The following ALDH7A1 variants were observed in gnomAD, a reference collection of about 807,000 sequenced individuals.
ALDH7A1 encodes alpha-aminoadipic semialdehyde dehydrogenase.
ALDH7A1 carries 63 observed loss-of-function variants against 79.9 expected under a neutral mutation model. The observed-to-expected ratio is 0.79, with a 90% CI of 0.64 to 0.97. The LOEUF (loss-of-function observed/expected upper bound fraction) is 0.97. ALDH7A1 is among the 50% of genes least tolerant of loss of function. The pLI is 0.00. For synonymous variants in ALDH7A1, 240 were observed against 231.2 expected (o/e 1.04, Z -0.34); for missense variants, 627 against 665.2 (o/e 0.94, Z 0.63).
chr5:126,556,494 T>G (rs1352410828), intron 11 of ALDH7A1, among the ~76,000 whole-genome samples: 1 of 152,144 alleles, frequency 6.6e-6, no homozygotes, highest in East Asian at 1.9e-4. Flanking sequence ...TCCACCCACC[T>G]CAGTCTCCCA....
chr5:126,593,306 T>TG, intron 2 of ALDH7A1, 45 bp downstream of exon 2: 5 of 1,274,342 alleles, frequency 3.9e-6, no homozygotes, highest in Non-Finnish European at 5.2e-6. Flanking sequence ...TAATTTGAAT[T>TG]AAACACACAC....
chr5:126,574,940 TAAGTA>T (rs1750915437), intron 7 of ALDH7A1, among the ~76,000 whole-genome samples: 1 of 152,104 alleles, frequency 6.6e-6, no homozygotes, highest in African/African-American at 2.4e-5. Context: ...TTCTCAAATA[TAAGTA>T]AAGCATTAAT....
chr5:126,577,655 C>A (rs1751023593), intron 5 of ALDH7A1, among the ~76,000 whole-genome samples: 1 of 152,216 alleles, frequency 6.6e-6, no homozygotes, highest in African/African-American at 2.4e-5. Flanking sequence ...GCAACTGCAC[C>A]TCCCGAGTTC....
intron 16 of ALDH7A1, among the ~76,000 whole-genome samples, chr5:126,549,243 T>C (rs1317619960): frequency 6.6e-6 from 1 of 152,142 alleles, no homozygotes; most frequent in African/African-American, 2.4e-5. Flanking sequence ...GCAAAGTCCG[T>C]GCATCAAATA....
intron 3 of ALDH7A1, among the ~76,000 whole-genome samples, chr5:126,585,552 C>A (rs185976430): frequency 1.3e-5 from 2 of 152,252 alleles, no homozygotes; most frequent in Admixed American, 6.5e-5. Context: ...AACATTCCTA[C>A]CCTTTGTTTT....
At chr5:126,573,803 G>A (rs1268861582) in intron 7 of ALDH7A1, among the ~76,000 whole-genome samples, 3 of 151,198 alleles carry the variant, frequency 2.0e-5, no homozygotes, top group Non-Finnish European at 2.9e-5. Flanking sequence ...GGAGGCAGAG[G>A]TTGGAGTGAG....
intron 10 of ALDH7A1, among the ~76,000 whole-genome samples, chr5:126,560,174 T>C (rs1750354523): frequency 6.6e-6 from 1 of 152,162 alleles, no homozygotes; most frequent in African/African-American, 2.4e-5. Context: ...AGTCTCTCTT[T>C]AAAAGTCCAT....
rs138464455 is a variant in ALDH7A1, at chr5:126,545,174, TA to T, written c.1566-156del. On this transcript the variant is annotated intron_variant, in intron 17 of 17. Coordinates refer to ENST00000409134, the MANE Select transcript of ALDH7A1 (RefSeq NM_001182.5). ...AAACCTTTAAGATAAAAGACAATGT[TA>T]GTATGGATCCCGTTTTATTTAAAAG... Among the ~76,000 whole-genome samples, 1,885 of 152,292 alleles carry T rather than the reference TA, an allele frequency of 0.012. 46 individuals are homozygous for T. Among genetic ancestry groups the T allele is most frequent in the African/African-American group, 0.043 (1,770 of 41,564 alleles).
intron 3 of ALDH7A1, chr5:126,588,677 T>A (rs1388098486): frequency 2.0e-5 from 3 of 152,172 alleles, no homozygotes; most frequent in Non-Finnish European, 4.4e-5. Context: ...CTTTAGTTTA[T>A]AATAACACAT....
intron 3 of ALDH7A1, 151 bp downstream of exon 3, chr5:126,592,513 C>T (rs1445197185): frequency 2.8e-6 from 2 of 723,578 alleles, no homozygotes; most frequent in Non-Finnish European, 4.7e-6. Flanking sequence ...GTTTCCAAAA[C>T]AGCAGGAGCC....
At chr5:126,568,162 C>G in intron 9 of ALDH7A1, 97 bp downstream of exon 9, 1 of 1,134,896 alleles carries the variant, frequency 8.8e-7, no homozygotes, top group Non-Finnish European at 1.3e-6. Context: ...ACCACTGCCT[C>G]CATGGAAAAG....
chr5:126,593,620 C>T, intron 1 of ALDH7A1: 1 of 658,076 alleles, frequency 1.5e-6, no homozygotes, highest in Non-Finnish European at 2.6e-6. Context: ...GCAAAACTCG[C>T]CTCTGACATC....
chr5:126,542,694 G>C lies in ALDH7A1; in HGVS notation c.*2271C>G, dbSNP rs1365966153. On this transcript the variant is annotated 3_prime_UTR_variant, in exon 18 of 18. Transcript: ENST00000409134. ...AGTGTTCTGTGGTTGCAGAGCAAGA[G>C]AGAGAGGAGGCTTAACAGATTCCCA... 1 of 152,282 alleles carries C rather than the reference G, an allele frequency of 6.6e-6. No individual in the cohort carries two copies. Among genetic ancestry groups the C allele is most frequent in the Non-Finnish European group, 1.5e-5 (1 of 68,144 alleles). 9.4% of individuals were successfully genotyped at this position (152,282 alleles called of 1,614,324 possible).
At chr5:126,583,707 G>A (rs920769102) in intron 4 of ALDH7A1, among the ~76,000 whole-genome samples, 5 of 151,334 alleles carry the variant, frequency 3.3e-5, no homozygotes, top group African/African-American at 1.2e-4. Context: ...AGCCGTGGTG[G>A]CACAAGCCTG....
At chr5:126,568,543 G>C (rs900223436) in intron 8 of ALDH7A1, 187 bp from the exon 9 acceptor site, 7 of 612,922 alleles carry the variant, frequency 1.1e-5, no homozygotes, top group Non-Finnish European at 2.1e-5. Context: ...AGAACCATTA[G>C]GCAGAAGAGG....
Position 126,561,483 on chromosome 5 carries a change from A to AGT in ALDH7A1, c.872-361_872-360dup, listed in dbSNP as rs57059063. 2.9e-3 allele frequency: 448 copies of AGT among 154,946 alleles called. 11 individuals are homozygous for AGT. In the South Asian group the frequency reaches 0.043, roughly 15 times the overall value. 9.6% of individuals were successfully genotyped at this position (154,946 alleles called of 1,614,324 possible). A position where few individuals can be genotyped will look rare whatever the true frequency, so the allele number is the denominator to read the frequency against. On this transcript the variant is annotated intron_variant, in intron 9 of 17. Transcript: ENST00000409134. ...GTTCAACAATAATATGCACCCACAG[A>AGT]GTGTGTGTGTGTGTGTGTGTGTGTG...
chr5:126,559,069 G>T (rs2112767991), intron 11 of ALDH7A1, among the ~76,000 whole-genome samples, 171 bp downstream of exon 11: 1 of 152,290 alleles, frequency 6.6e-6, no homozygotes, highest in South Asian at 2.1e-4. Flanking sequence ...GTCCCTGAAT[G>T]ATTAACAACA....
chr5:126,571,005 T>C (rs1750750849), intron 7 of ALDH7A1, 146 bp from the exon 8 acceptor site: 8 of 758,370 alleles, frequency 1.1e-5, no homozygotes, highest in African/African-American at 3.4e-5. Context: ...TCAGCCCACT[T>C]TTCAATTTCT....
In ALDH7A1 at chr5:126,577,161, T is replaced by C. The variant is rs2112794630; in HGVS notation, c.568A>G (p.Ile190Val). The change falls in exon 6 of 18, where the codon ATC (isoleucine) becomes GTC (valine). Residue 190 changes from isoleucine to valine, a missense_variant. Coordinates refer to ENST00000409134, the MANE Select transcript of ALDH7A1 (RefSeq NM_001182.5). ...ACAGGGAAATTGAATGCCGTGATGA[T>C]TCCAACCAGGCCTACGGGATTCCAC... ...EQWNPVGLVG[I>V]ITAFNFPVAV... The C allele has an allele frequency of 1.9e-6, 3 of 1,614,160 alleles. No homozygotes were observed. Among genetic ancestry groups the C allele is most frequent in the Non-Finnish European group, 1.7e-6 (2 of 1,180,022 alleles).
Sources: gnomAD v4.1 joint callset for allele counts (sites outside exome capture counted in the v4.1 genomes callset) on GRCh38, gnomAD v4.1.1 for gene constraint, MANE v1.5 for transcripts, NCBI Gene and HGNC (gene_info 2026-07-23, HGNC 2026-07-21) for gene names.